Variants in PRKAR2B observed in about 807,000 individuals in gnomAD.
PRKAR2B encodes protein kinase cAMP-dependent type II regulatory subunit beta, also known as cAMP-dependent protein kinase type II-beta regulatory subunit.
PRKAR2B carries 14 observed loss-of-function variants against 49.9 expected under a neutral mutation model. That is an observed-to-expected ratio of 0.28 (90% confidence interval 0.19 to 0.44). The LOEUF (loss-of-function observed/expected upper bound fraction) is 0.44, where lower values mean the gene tolerates loss of function less well. Ranked by LOEUF, PRKAR2B falls within the 20% of genes least tolerant of loss-of-function variation. The pLI, the probability that PRKAR2B is intolerant of heterozygous loss-of-function variation, is 1.00. For missense variants in PRKAR2B, 393 were observed against 537.9 expected, an observed-to-expected ratio of 0.73 and a Z score of 2.67; for synonymous variants, 196 against 197.7, an observed-to-expected ratio of 0.99 and a Z score of 0.07.
chr7:107,044,977 C>A lies in PRKAR2B; in HGVS notation c.70C>A (p.Gln24Lys). 3 of 1,579,024 alleles carry A rather than the reference C, an allele frequency of 1.9e-6. No individual in the cohort carries two copies. Among genetic ancestry groups the A allele is most frequent in the Non-Finnish European group, 1.7e-6 (2 of 1,165,370 alleles). Residue 24 changes from glutamine (Q) to lysine (K), a missense_variant, in exon 1 of 11, where the codon CAG (glutamine) becomes AAG (lysine). Gln to Lys is a moderately conservative substitution (Grantham distance 53). Coordinates refer to ENST00000265717, the MANE Select transcript of PRKAR2B (RefSeq NM_002736.3). ...CTTCACGGTGGAGGTGCTGAGGCAC[C>A]AGCCCGCGGACCTGCTGGAGTTCGC... ...QGFTVEVLRH[Q>K]PADLLEFALQ...
intron 2 of PRKAR2B, among the ~76,000 whole-genome samples, chr7:107,086,581 C>T (rs1167189109): frequency 6.6e-6 from 1 of 151,968 alleles, no homozygotes; most frequent in Non-Finnish European, 1.5e-5. Context: ...CCCACCTCAG[C>T]CTCCCACAAG....
At chr7:107,063,320 T>C (rs1794064227) in intron 1 of PRKAR2B, among the ~76,000 whole-genome samples, 1 of 152,186 alleles carries the variant, frequency 6.6e-6, no homozygotes, top group Non-Finnish European at 1.5e-5. Context: ...GTGCCACCCC[T>C]ATTATATTAT....
rs1031626008 is a variant in PRKAR2B at position 107,152,656 on chromosome 7, T to C, written c.844-521T>C. On this transcript the variant is annotated intron_variant, in intron 7 of 10. Transcript: ENST00000265717. ...TATGTACCCACAACATCTTATAAAA[T>C]GGCAAGTGTCAAAACAGCAGTGCTT... Among the ~76,000 whole-genome samples, 7 of 152,342 alleles carry C rather than the reference T, an allele frequency of 4.6e-5. 1 individual carries two copies. The South Asian group carries it at 1.0e-3, about 23-fold the overall frequency.
chr7:107,122,439 T>C (rs1795405914), intron 3 of PRKAR2B, among the ~76,000 whole-genome samples: 1 of 152,164 alleles, frequency 6.6e-6, no homozygotes, highest in African/African-American at 2.4e-5. Context: ...CTGTGAGTCT[T>C]CATAGTTTGC....
chr7:107,120,328 A>G (rs964600926), intron 2 of PRKAR2B, among the ~76,000 whole-genome samples: 1 of 151,928 alleles, frequency 6.6e-6, no homozygotes, highest in African/African-American at 2.4e-5. Context: ...AGGTGGAATC[A>G]CCTCTGGTTA....
chr7:107,107,980 G>A (rs552164025), intron 2 of PRKAR2B, among the ~76,000 whole-genome samples: 1 of 152,156 alleles, frequency 6.6e-6, no homozygotes, highest in South Asian at 2.1e-4. Context: ...TAAGCAAAGT[G>A]TAGAAGGATA....
At chr7:107,117,254 C>T (rs557070455) in intron 2 of PRKAR2B, among the ~76,000 whole-genome samples, 76 of 151,950 alleles carry the variant, frequency 5.0e-4, no homozygotes, top group Non-Finnish European at 8.2e-4. Flanking sequence ...TGTAGGAGGG[C>T]GTTTCCCCTT....
chr7:107,081,020 C>T (rs1794505032), intron 2 of PRKAR2B, among the ~76,000 whole-genome samples: 1 of 152,140 alleles, frequency 6.6e-6, no homozygotes, highest in Admixed American at 6.6e-5. Context: ...ATTTTGAGTG[C>T]AAAATAAACT....
At chr7:107,082,005 C>G (rs969098024) in intron 2 of PRKAR2B, 6 of 152,026 alleles carry the variant, frequency 3.9e-5, no homozygotes, top group African/African-American at 1.5e-4. Context: ...GCTACAAATA[C>G]AGCAAATGCA....
intron 5 of PRKAR2B, among the ~76,000 whole-genome samples, chr7:107,145,565 G>A (rs899667503): frequency 1.3e-5 from 2 of 151,880 alleles, no homozygotes; most frequent in Admixed American, 1.3e-4. Flanking sequence ...TGTTTCTTCA[G>A]ATGATTTTCT....
intron 2 of PRKAR2B, among the ~76,000 whole-genome samples, chr7:107,092,258 T>C (rs1184662730): frequency 6.7e-6 from 1 of 149,470 alleles, no homozygotes; most frequent in Non-Finnish European, 1.5e-5. Context: ...TGTGTGTGTG[T>C]GTGTGTGTGT....
intron 2 of PRKAR2B, among the ~76,000 whole-genome samples, chr7:107,108,055 G>A (rs943821709): frequency 1.3e-5 from 2 of 152,120 alleles, no homozygotes; most frequent in African/African-American, 2.4e-5. Context: ...AGAGGAGGCT[G>A]AAAATGATCA....
chr7:107,084,623 CTT>C (rs1228159993), intron 2 of PRKAR2B, among the ~76,000 whole-genome samples: 16 of 140,994 alleles, frequency 1.1e-4, no homozygotes, highest in South Asian at 2.3e-4. Flanking sequence ...CATCTATATA[CTT>C]TTTTTTTTTT....
At chr7:107,141,048 G>C (rs758594961) in intron 5 of PRKAR2B, 95 bp downstream of exon 5, 10 of 844,236 alleles carry the variant, frequency 1.2e-5, no homozygotes, top group Non-Finnish European at 1.7e-5. Flanking sequence ...ATATAGGATA[G>C]TTGTTATTGC....
At position 107,160,683 on chromosome 7, in the gene PRKAR2B, A is replaced by G. The variant is rs1796181906; in HGVS notation, c.*1101A>G. 6.6e-6 allele frequency: 1 copy of G among 152,166 alleles called. No homozygotes were observed. The highest frequency in any genetic ancestry group is 2.4e-5 in the African/African-American group (1 of 41,448). 9.4% of individuals were successfully genotyped at this position (152,166 alleles called of 1,614,324 possible). A position where few individuals can be genotyped will look rare whatever the true frequency, so the allele number is the denominator to read the frequency against. On this transcript the variant is annotated 3_prime_UTR_variant, in exon 11 of 11. Coordinates refer to ENST00000265717, the MANE Select transcript of PRKAR2B (RefSeq NM_002736.3). ...AAAAACATCCTCTAGAGGAATAGAA[A>G]CAAATTTTTATGAGCATAACCCTAT...
At chr7:107,139,196 C>G (rs559681270) in intron 4 of PRKAR2B, among the ~76,000 whole-genome samples, 27 of 152,190 alleles carry the variant, frequency 1.8e-4, no homozygotes, top group African/African-American at 6.0e-4. Context: ...TTGTAGGCTA[C>G]CAGGGGAGCA....
intron 3 of PRKAR2B, among the ~76,000 whole-genome samples, chr7:107,126,622 A>G (rs1795501001): frequency 6.6e-6 from 1 of 152,082 alleles, no homozygotes; most frequent in Admixed American, 6.6e-5. Flanking sequence ...CCTTTCTGAG[A>G]ACAGCTTCTC....
intron 2 of PRKAR2B, among the ~76,000 whole-genome samples, chr7:107,073,642 C>CCCCATA (rs1794330298): frequency 6.6e-6 from 1 of 152,272 alleles, no homozygotes; most frequent in East Asian, 1.9e-4. Flanking sequence ...CCTGACAGCA[C>CCCCATA]CCCATAACCT....
At chr7:107,097,486 T>C (rs1242070021) in intron 2 of PRKAR2B, among the ~76,000 whole-genome samples, 1 of 152,206 alleles carries the variant, frequency 6.6e-6, no homozygotes, top group African/African-American at 2.4e-5. Flanking sequence ...TGTCTTTTAA[T>C]TGGAGCATTT....
Sources: gnomAD v4.1 joint callset for allele counts (sites outside exome capture counted in the v4.1 genomes callset) on GRCh38, gnomAD v4.1.1 for gene constraint, MANE v1.5 for transcripts, NCBI Gene and HGNC (gene_info 2026-07-23, HGNC 2026-07-21) for gene names.